The following COL4A5 variants were observed in gnomAD, a reference collection of about 807,000 sequenced individuals.
COL4A5 encodes the protein collagen alpha-5(IV) chain.
Under a neutral mutation model 130.2 loss-of-function variants are expected in COL4A5, and 26 were observed. The observed-to-expected ratio is 0.20, with a 90% CI of 0.15 to 0.28. The LOEUF (loss-of-function observed/expected upper bound fraction) is 0.28. Among genes scored for constraint, COL4A5 ranks in the 10% least tolerant of loss-of-function variants. The pLI is 1.00. For missense variants in COL4A5, 1,131 were observed against 1,344.3 expected, an observed-to-expected ratio of 0.84 and a Z score of 2.48; for synonymous variants, 496 against 439.6, an observed-to-expected ratio of 1.13 and a Z score of -1.60.
chrX:108,590,427 T>C (rs1374678170), intron 19 of COL4A5, among the ~76,000 whole-genome samples: 1 of 111,393 alleles, frequency 9.0e-6, no homozygotes, highest in Non-Finnish European at 1.9e-5. Context: ...AATTACTAAA[T>C]AGAGAAATAA....
At chrX:108,452,959 G>A (rs2064540427) in intron 1 of COL4A5, among the ~76,000 whole-genome samples, 1 of 110,191 alleles carries the variant, frequency 9.1e-6, no homozygotes, top group Admixed American at 9.7e-5. Context: ...ATTGGCTGTG[G>A]GTTTGTCATA....
Position 108,686,087 on chromosome X carries a change from G to T in COL4A5, c.4273G>T (p.Ala1425Ser). ...GRNGLPGFDG[A>S]GGRKGDPGLP... ...CAATGGACTCCCTGGCTTTGATGGT[G>T]CAGGAGGGCGCAAAGGAGACCCAGG... The change falls in exon 48 of 53, where the codon GCA becomes TCA. Residue 1425 changes from alanine to serine, a missense_variant. Physicochemically the swap from Ala to Ser is moderately conservative, Grantham distance 99. Coordinates refer to ENST00000328300, the MANE Select transcript of COL4A5 (RefSeq NM_033380.3). The T allele has an allele frequency of 8.3e-7, 1 of 1,210,956 alleles. No individual in the cohort carries two copies.
At chrX:108,481,662 C>T (rs1412130407) in intron 1 of COL4A5, among the ~76,000 whole-genome samples, 1 of 111,653 alleles carries the variant, frequency 9.0e-6, no homozygotes, top group African/African-American at 3.3e-5. Context: ...CCCACCTTGC[C>T]TTTGGCGGTT....
intron 10 of COL4A5, among the ~76,000 whole-genome samples, chrX:108,577,218 A>G (rs1421385147): frequency 9.2e-6 from 1 of 108,380 alleles, no homozygotes; most frequent in African/African-American, 3.4e-5. Flanking sequence ...TAAAAATACA[A>G]AAAATTAGCC....
chrX:108,632,338 A>G (rs930800855), intron 36 of COL4A5, among the ~76,000 whole-genome samples: 2 of 110,681 alleles, frequency 1.8e-5, no homozygotes, highest in African/African-American at 6.6e-5. Flanking sequence ...GCAATAATTA[A>G]TAGCCTACCA....
chrX:108,493,828 G>A (rs2065012864), intron 1 of COL4A5, among the ~76,000 whole-genome samples: 1 of 106,944 alleles, frequency 9.4e-6, no homozygotes, highest in South Asian at 4.0e-4. Context: ...AAAAACGGAT[G>A]TAGCTAATGG....
chrX:108,522,699 G>A (rs2065275484), intron 1 of COL4A5, among the ~76,000 whole-genome samples: 1 of 106,599 alleles, frequency 9.4e-6, no homozygotes. Context: ...CTCCTGTAAG[G>A]TATATGATTG....
intron 36 of COL4A5, among the ~76,000 whole-genome samples, chrX:108,646,897 G>GC (rs1433739820): frequency 8.3e-5 from 9 of 108,869 alleles, no homozygotes; most frequent in African/African-American, 3.1e-4. Context: ...TTGTAGATAT[G>GC]CGGCATTATT....
At chrX:108,569,060 GA>G (rs1308009487) in intron 6 of COL4A5, 6 of 345,819 alleles carry the variant, frequency 1.7e-5, no homozygotes, top group African/African-American at 2.6e-5. Context: ...ACCCTTTTTT[GA>G]CTTTAGCATA....
chrX:108,686,220 T>A, intron 48 of COL4A5, 91 bp downstream of exon 48: 1 of 679,920 alleles, frequency 1.5e-6, no homozygotes, highest in Non-Finnish European at 2.3e-6. Flanking sequence ...AGCTGTGAGA[T>A]CTTCTCTTGA....
intron 6 of COL4A5, 122 bp from the exon 7 acceptor site, chrX:108,571,291 T>C: frequency 3.8e-6 from 2 of 524,252 alleles, no homozygotes; most frequent in Middle Eastern, 7.8e-4. Context: ...AATGAACTTT[T>C]TGGCAATCTG....
chrX:108,670,530 T>C (rs973450432), intron 42 of COL4A5: 1 of 338,379 alleles, frequency 3.0e-6, no homozygotes, highest in East Asian at 5.5e-5. Context: ...ATATTCTACC[T>C]TTCTTTGGAG....
Position 108,694,926 on chromosome X carries a change from T to C in COL4A5, c.4821+5T>C. On this transcript the variant is annotated splice_donor_5th_base_variant and intron_variant, in intron 51 of 52. Transcript: ENST00000328300. Reference sequence around the variant, plus strand: ...ATTGGTTATTCCTTCATGATGGTATTTTACACTCTTCCTTGCATTTGTCAT... The same window carrying C: ...ATTGGTTATTCCTTCATGATGGTATCTTACACTCTTCCTTGCATTTGTCAT... The C allele has an allele frequency of 5.4e-6, 6 of 1,118,965 alleles. No individual in the cohort carries two copies. Among genetic ancestry groups the C allele is most frequent in the African/African-American group, 1.8e-5 (1 of 56,008 alleles). The allele number at this position is 1,118,965 out of a possible 1,213,427, so 92.2% of individuals were successfully genotyped here.
chrX:108,642,662 G>A (rs2067493312), intron 36 of COL4A5, among the ~76,000 whole-genome samples: 1 of 109,579 alleles, frequency 9.1e-6, no homozygotes, highest in Non-Finnish European at 1.9e-5. Context: ...CCCCTCACAG[G>A]AAGCCACATC....
intron 41 of COL4A5, among the ~76,000 whole-genome samples, chrX:108,669,665 A>G (rs1388719378): frequency 8.9e-6 from 1 of 112,092 alleles, no homozygotes; most frequent in African/African-American, 3.2e-5. Context: ...AATAAACCAA[A>G]CTATTATCTT....
chrX:108,495,109 T>C (rs951322302), intron 1 of COL4A5, among the ~76,000 whole-genome samples: 1 of 111,549 alleles, frequency 9.0e-6, no homozygotes, highest in African/African-American at 3.2e-5. Context: ...AGCAATTTAA[T>C]AGAGGAAGAA....
intron 16 of COL4A5, 29 bp from the exon 17 acceptor site, chrX:108,582,855 G>A (rs759958290): frequency 1.7e-6 from 2 of 1,155,294 alleles, no homozygotes; most frequent in Admixed American, 2.2e-5. Flanking sequence ...CATTTGTGCT[G>A]ATGTCACCCT....
At chrX:108,483,568 G>T (rs1179685382) in intron 1 of COL4A5, among the ~76,000 whole-genome samples, 1 of 111,753 alleles carries the variant, frequency 8.9e-6, no homozygotes, top group Non-Finnish European at 1.9e-5. Context: ...ACACACCCAG[G>T]ATCAATGCTT....
At chrX:108,569,921 C>A (rs982130098) in intron 6 of COL4A5, among the ~76,000 whole-genome samples, 29 of 111,265 alleles carry the variant, frequency 2.6e-4, no homozygotes, top group Non-Finnish European at 4.5e-4. Context: ...ACCTCTTGAT[C>A]CGCCTGCCTC....
Sources: gnomAD v4.1 joint callset for allele counts (sites outside exome capture counted in the v4.1 genomes callset) on GRCh38, gnomAD v4.1.1 for gene constraint, MANE v1.5 for transcripts, NCBI Gene and HGNC (gene_info 2026-07-23, HGNC 2026-07-21) for gene names.